Variants in TRIM28 observed in about 807,000 individuals in gnomAD.
TRIM28 encodes the protein transcription intermediary factor 1-beta.
In TRIM28, 8 loss-of-function variants were observed where a neutral mutation model predicts 87.4. That is an observed-to-expected ratio of 0.09 (90% confidence interval 0.05 to 0.17). TRIM28 has a LOEUF of 0.17. Among genes scored for constraint, TRIM28 ranks in the 10% least tolerant of loss-of-function variants. TRIM28 has a pLI of 1.00. For missense variants in TRIM28, 968 were observed against 1,131.8 expected, an observed-to-expected ratio of 0.86 and a Z score of 2.08; for synonymous variants, 601 against 454.3, an observed-to-expected ratio of 1.32 and a Z score of -4.11.
At chr19:58,546,446 G>A (rs2053762024) in intron 3 of TRIM28, among the ~76,000 whole-genome samples, 2 of 152,188 alleles carry the variant, frequency 1.3e-5, no homozygotes, top group South Asian at 2.1e-4. Flanking sequence ...TTTGAGTCTA[G>A]CCAAGTTTTG....
In TRIM28 at chr19:58,550,592, C is replaced by T. The variant is rs1049540; in HGVS notation, c.*39C>T. The T allele has an allele frequency of 1.9e-6, 3 of 1,578,784 alleles. No homozygotes were observed. Among genetic ancestry groups the T allele is most frequent in the Non-Finnish European group, 1.7e-6 (2 of 1,165,104 alleles). Reference sequence around the variant, plus strand: ...ATGGCCAGCCCAGCCTGGCTCTGTTCTCTGTCCTGTCACCCCATCCCCACT... The same window carrying T: ...ATGGCCAGCCCAGCCTGGCTCTGTTTTCTGTCCTGTCACCCCATCCCCACT... On this transcript the variant is annotated 3_prime_UTR_variant, in exon 17 of 17. Transcript: ENST00000253024.
At position 58,549,603 on chromosome 19, in the gene TRIM28, T is replaced by G; in HGVS notation, c.1935T>G (p.Phe645Leu). Reference sequence around the variant, plus strand: ...TGGTTATGTGCAACCAGTGTGAGTTTTGTTTCCACCTGGACTGTCACCTGC... The same window carrying G: ...TGGTTATGTGCAACCAGTGTGAGTTGTGTTTCCACCTGGACTGTCACCTGC... ...GDLVMCNQCE[F>L]CFHLDCHLPA... Residue 645 changes from phenylalanine (F) to leucine (L), a missense_variant, in exon 13 of 17, where the codon TTT becomes TTG. Physicochemically the swap from Phe to Leu is conservative, Grantham distance 22. This residue lies in a region of TRIM28 where 18 missense variants were observed against 40.9 expected (regional missense o/e 0.44). Coordinates refer to ENST00000253024, the MANE Select transcript of TRIM28 (RefSeq NM_005762.3). The surrounding 1 kb of genome is among the most constrained non-coding windows in gnomAD (Gnocchi z 4.4). 6.2e-7 allele frequency: 1 copy of G among 1,613,948 alleles called. No individual in the cohort carries two copies. The highest frequency in any genetic ancestry group is 8.5e-7 in the Non-Finnish European group (1 of 1,179,862).
chr19:58,546,581 A>T (rs2053762917), intron 3 of TRIM28, among the ~76,000 whole-genome samples: 1 of 152,164 alleles, frequency 6.6e-6, no homozygotes, highest in Non-Finnish European at 1.5e-5. Flanking sequence ...GCCAGGAGGG[A>T]TACGCAGGGG....
At position 58,545,556 on chromosome 19, in the gene TRIM28, A is replaced by T. The variant is rs753272945; in HGVS notation, c.453+19A>T. Reference sequence around the variant, plus strand: ...GAACCAGGTGCGTCCTATCTCAGCAACCACAAGGAGGTTTCTGGGGAGGGG... The same window carrying T: ...GAACCAGGTGCGTCCTATCTCAGCATCCACAAGGAGGTTTCTGGGGAGGGG... On this transcript the variant is annotated intron_variant, in intron 2 of 16. Coordinates refer to ENST00000253024, the MANE Select transcript of TRIM28 (RefSeq NM_005762.3). The T allele has an allele frequency of 3.1e-6, 5 of 1,593,476 alleles. No individual in the cohort carries two copies. In the South Asian group the frequency reaches 4.4e-5, roughly 14 times the overall value.
Position 58,544,775 on chromosome 19 carries a change from G to A in TRIM28, c.18G>A (p.Ala6=). 2 of 1,156,272 alleles carry A rather than the reference G, an allele frequency of 1.7e-6. No homozygotes were observed. Among genetic ancestry groups the A allele is most frequent in the South Asian group, 7.8e-5 (2 of 25,662 alleles). The allele number at this position is 1,156,272 out of a possible 1,614,324, so 71.6% of individuals were successfully genotyped here. Residue 6 remains alanine (A), a synonymous_variant, in exon 1 of 17, where the codon GCG becomes GCA. Coordinates refer to ENST00000253024, the MANE Select transcript of TRIM28 (RefSeq NM_005762.3). The part of the protein sequence containing the change: MAASA[A]AASAAAASAA... ...GCGTGTGAATGGCGGCCTCCGCGGC[G>A]GCAGCCTCGGCAGCAGCGGCCTCGG... is the stretch of plus-strand genomic sequence containing the variant.
Position 58,545,061 on chromosome 19 carries a change from A to C in TRIM28, c.304A>C (p.Ser102Arg). 6.9e-7 allele frequency: 1 copy of C among 1,449,602 alleles called. No homozygotes were observed. The highest frequency in any genetic ancestry group is 9.0e-7 in the Non-Finnish European group (1 of 1,114,504). The allele number at this position is 1,449,602 out of a possible 1,614,324, so 89.8% of individuals were successfully genotyped here. A position where few individuals can be genotyped will look rare whatever the true frequency, so the allele number is the denominator to read the frequency against. Residue 102 changes from serine (S) to arginine (R), a missense_variant, in exon 1 of 17, where the codon AGC becomes CGC. This residue lies in a region of TRIM28 where 208 missense variants were observed against 170.9 expected (regional missense o/e 1.22). Transcript: ENST00000253024. ...GCCCGCGGCCCCCGCCGCCGCCAAC[A>C]GCTCGGGGGACGGCGGGGCGGCGGG... ...LGPAAPAAAN[S>R]SGDGGAAGDG...
At chr19:58,546,942 C>T (rs2053766240) in intron 3 of TRIM28, among the ~76,000 whole-genome samples, 1 of 151,970 alleles carries the variant, frequency 6.6e-6, no homozygotes, top group East Asian at 1.9e-4. Context: ...GTTCTCTTGT[C>T]AGGGAAGAGG....
At chr19:58,550,323 A>G in intron 16 of TRIM28, 39 bp downstream of exon 16, 2 of 1,613,410 alleles carry the variant, frequency 1.2e-6, no homozygotes, top group Non-Finnish European at 1.7e-6. Context: ...GCAGGGGGAG[A>G]TGTGAAGGAA....
Position 58,549,761 on chromosome 19 carries a change from C to T in TRIM28, c.2007C>T (p.Cys669=), listed in dbSNP as rs1202608945. ...GGGAGGAGTGGAGCTGCTCACTCTGCCATGTGCTCCCTGACCTGAAGGAGG... is the reference window on the plus strand; with the variant it reads ...GGGAGGAGTGGAGCTGCTCACTCTGTCATGTGCTCCCTGACCTGAAGGAGG... ...VPGEEWSCSL[C]HVLPDLKEED... The change falls in exon 14 of 17, where the codon TGC becomes TGT. Residue 669 remains cysteine (C), a synonymous_variant. Coordinates refer to ENST00000253024, the MANE Select transcript of TRIM28 (RefSeq NM_005762.3). This position sits in a 1 kb window ranked among gnomAD's most constrained non-coding sequence, Gnocchi z 4.4. 1.2e-6 allele frequency: 2 copies of T among 1,611,072 alleles called. No homozygotes were observed. Among genetic ancestry groups the T allele is most frequent in the Non-Finnish European group, 8.5e-7 (1 of 1,177,822 alleles).
At chr19:58,550,078 G>A (rs1173785115) in intron 15 of TRIM28, 43 bp downstream of exon 15, 2 of 1,613,614 alleles carry the variant, frequency 1.2e-6, no homozygotes, top group Non-Finnish European at 1.7e-6. Context: ...GGTGGCTGCT[G>A]GGTCTCGCCC....
chr19:58,544,066 T>G lies in TRIM28; in HGVS notation c.-692T>G, dbSNP rs973631885. ...CCTGCCCCCTATCCCGAACTCTTAG[T>G]GACGCAGAGGCTGGAGACGACTCTA... On this transcript the variant is annotated 5_prime_UTR_variant, in exon 1 of 17. Transcript: ENST00000253024. 6.6e-6 allele frequency: 1 copy of G among 152,312 alleles called. No individual in the cohort carries two copies. Among genetic ancestry groups the G allele is most frequent in the African/African-American group, 2.4e-5 (1 of 41,454 alleles). 9.4% of individuals were successfully genotyped at this position (152,312 alleles called of 1,614,324 possible).
At chr19:58,545,354 G>T in intron 1 of TRIM28, 71 bp from the exon 2 acceptor site, 1 of 1,271,096 alleles carries the variant, frequency 7.9e-7, no homozygotes, top group Non-Finnish European at 1.1e-6. Context: ...GGCCCACCCA[G>T]CAGGGGAATG....
Position 58,548,527 on chromosome 19 carries a change from C to A in TRIM28, c.1258C>A (p.Pro420Thr). ...GCGTCCTGGCACTAACTCAACAGGCCCTGCACCCATGGCCCCTCCAAGAGC... is the reference window on the plus strand; with the variant it reads ...GCGTCCTGGCACTAACTCAACAGGCACTGCACCCATGGCCCCTCCAAGAGC... ...AERPGTNSTG[P>T]APMAPPRAPG... The change falls in exon 9 of 17, where the codon CCT becomes ACT. Residue 420 changes from proline to threonine, a missense_variant. This residue lies in a region of TRIM28 where 119 missense variants were observed against 93.6 expected (regional missense o/e 1.27). Coordinates refer to ENST00000253024, the MANE Select transcript of TRIM28 (RefSeq NM_005762.3). 2 of 1,613,994 alleles carry A rather than the reference C, an allele frequency of 1.2e-6. No homozygotes were observed. Among genetic ancestry groups the A allele is most frequent in the Non-Finnish European group, 1.7e-6 (2 of 1,180,014 alleles).
intron 1 of TRIM28, 53 bp downstream of exon 1, chr19:58,545,150 C>T: frequency 4.4e-6 from 6 of 1,360,018 alleles, no homozygotes; most frequent in Non-Finnish European, 5.7e-6. Flanking sequence ...GCCTTTGATT[C>T]CGACTGGGTG....
In TRIM28 at chr19:58,544,665, C is replaced by T. The variant is rs1163171481; in HGVS notation, c.-93C>T. Reference sequence around the variant, plus strand: ...CTCGGCCTCGCGGCGGCGGCGGCGGCAGCGGCCCAGCAGTTGGCGGCGAGC... The same window carrying T: ...CTCGGCCTCGCGGCGGCGGCGGCGGTAGCGGCCCAGCAGTTGGCGGCGAGC... On this transcript the variant is annotated 5_prime_UTR_variant, in exon 1 of 17. Transcript: ENST00000253024. 1.0e-5 allele frequency: 5 copies of T among 491,246 alleles called. No homozygotes were observed. The highest frequency in any genetic ancestry group is 1.3e-4 in the Admixed American group (2 of 15,180). The allele number at this position is 491,246 out of a possible 1,614,324, so 30.4% of individuals were successfully genotyped here.
intron 3 of TRIM28, among the ~76,000 whole-genome samples, chr19:58,546,434 CTT>C (rs2053761927): frequency 1.3e-5 from 2 of 152,182 alleles, no homozygotes; most frequent in Admixed American, 6.5e-5. Context: ...GCTTGAGAGT[CTT>C]TTGAGTCTAG....
At chr19:58,547,544 G>T (rs766183270) in intron 4 of TRIM28, 33 bp downstream of exon 4, 1 of 1,613,414 alleles carries the variant, frequency 6.2e-7, no homozygotes, top group South Asian at 1.1e-5. Flanking sequence ...TGGGTGGGTG[G>T]GTGCCACCCC....
chr19:58,546,186 A>T (rs2053759695), intron 3 of TRIM28, among the ~76,000 whole-genome samples: 1 of 152,152 alleles, frequency 6.6e-6, no homozygotes, highest in African/African-American at 2.4e-5. Flanking sequence ...CCTGGTGGTG[A>T]AGGGCTCAGC....
intron 1 of TRIM28, 67 bp downstream of exon 1, chr19:58,545,164 A>C (rs1600079469): frequency 7.5e-7 from 1 of 1,336,140 alleles, no homozygotes; most frequent in Non-Finnish European, 9.8e-7. Context: ...CTGGGTGCAG[A>C]GATGAGGATG....
Sources: allele counts gnomAD v4.1 joint callset (sites outside exome capture counted in the v4.1 genomes callset), GRCh38; gene constraint gnomAD v4.1.1; regional missense constraint gnomAD v4.1.1; non-coding constraint Gnocchi (gnomAD v3.1); transcripts MANE v1.5; gene names NCBI Gene and HGNC (gene_info 2026-07-23, HGNC 2026-07-21).